FAM156A: variants seen among roughly 807,000 people sequenced by gnomAD.
The protein encoded by FAM156A is family with sequence similarity 156 member A.
chrX:52,994,005 A>G (rs782614910), intron 1 of FAM156A, among the ~76,000 whole-genome samples: 13 of 111,134 alleles, frequency 1.2e-4, no homozygotes, highest in Non-Finnish European at 2.1e-4. Context: ...GACTTGCCCA[A>G]TGTCACACAA....
At position 52,977,941 on chromosome X, in the gene FAM156A, T is replaced by A. The variant is rs782577175; in HGVS notation, c.-433-13706A>T. ...GAATAATCCATATGATAATAATTTT[T>A]GACCTTTAAATTTCACTCTTTAAAT... On this transcript the variant is annotated intron_variant, in intron 1 of 4. Transcript: ENST00000610625. 3.6e-5 allele frequency among the ~76,000 whole-genome samples: 4 copies of A among 112,363 alleles called. No individual in the cohort carries two copies. The South Asian group carries it at 1.5e-3, about 41-fold the overall frequency.
chrX:52,988,003 C>T (rs1930417645), intron 1 of FAM156A, among the ~76,000 whole-genome samples: 1 of 111,817 alleles, frequency 8.9e-6, no homozygotes, highest in African/African-American at 3.3e-5. Flanking sequence ...ATAATCCCAG[C>T]ACTTTGGGAG....
chrX:52,979,667 C>G (rs1307066087), intron 1 of FAM156A, among the ~76,000 whole-genome samples: 1 of 111,604 alleles, frequency 9.0e-6, no homozygotes, highest in African/African-American at 3.3e-5. Context: ...AGAGCCATGA[C>G]TACCACAGAA....
intron 1 of FAM156A, among the ~76,000 whole-genome samples, chrX:52,992,298 C>G (rs1347983566): frequency 4.5e-5 from 5 of 111,846 alleles, no homozygotes; most frequent in African/African-American, 1.6e-4. Context: ...ACCCCAACAT[C>G]TGAGGACAAA....
intron 1 of FAM156A, among the ~76,000 whole-genome samples, chrX:52,976,096 C>CA (rs1245787715): frequency 9.0e-6 from 1 of 111,314 alleles, no homozygotes; most frequent in Admixed American, 9.6e-5. Context: ...TATCAAAACA[C>CA]CTTTTACCCC....
At chrX:52,987,177 G>A (rs1930350327) in intron 1 of FAM156A, among the ~76,000 whole-genome samples, 1 of 111,452 alleles carries the variant, frequency 9.0e-6, no homozygotes, top group African/African-American at 3.3e-5. Flanking sequence ...GCTAATGAAA[G>A]AAATAAAGGA....
chrX:52,986,478 A>G (rs950253273), intron 1 of FAM156A, among the ~76,000 whole-genome samples: 1 of 110,962 alleles, frequency 9.0e-6, no homozygotes, highest in African/African-American at 3.3e-5. Context: ...ATATATAAAA[A>G]GGATAATGCA....
In FAM156A at chrX:52,974,232, G is replaced by A. The variant is rs189110975; in HGVS notation, c.-433-9997C>T. Among the ~76,000 whole-genome samples, 23 of 112,497 alleles carry A rather than the reference G, an allele frequency of 2.0e-4. No homozygotes were observed. The East Asian group carries it at 3.9e-3, about 19-fold the overall frequency. The stretch of plus-strand genomic sequence containing the variant: ...TGTAAGACAACAATAGCAGAAGGCT[G>A]GGGAGAAAGGAAATGGAAGTATACA... On this transcript the variant is annotated intron_variant, in intron 1 of 4. Transcript: ENST00000610625.
At chrX:52,973,683 G>A (rs1929213623) in intron 1 of FAM156A, among the ~76,000 whole-genome samples, 1 of 112,099 alleles carries the variant, frequency 8.9e-6, no homozygotes, top group Non-Finnish European at 1.9e-5. Flanking sequence ...ATTTTTTGGA[G>A]ACGGAGTTTC....
chrX:52,991,391 C>T (rs1370317571), intron 1 of FAM156A, among the ~76,000 whole-genome samples: 2 of 111,417 alleles, frequency 1.8e-5, no homozygotes, highest in African/African-American at 6.5e-5. Context: ...CCTCCGCCTT[C>T]TTGTTGTACC....
chrX:52,995,196 C>T lies in FAM156A; in HGVS notation c.-434+110G>A, dbSNP rs1296276218. 5.4e-5 allele frequency: 6 copies of T among 112,137 alleles called. No homozygotes were observed. The East Asian group carries it at 1.4e-3, about 26-fold the overall frequency. The allele number at this position is 112,137 out of a possible 1,213,427, so 9.2% of individuals were successfully genotyped here. A position where few individuals can be genotyped will look rare whatever the true frequency, so the allele number is the denominator to read the frequency against. ...GCAAACACCAAACAAGCTCAGAGAC[C>T]GCTCCCTGGACATTAATTGAGTGTA... On this transcript the variant is annotated intron_variant, in intron 1 of 4. Coordinates refer to the FAM156A transcript ENST00000610625.
intron 1 of FAM156A, among the ~76,000 whole-genome samples, chrX:52,987,793 C>T (rs1182519877): frequency 2.7e-5 from 3 of 111,947 alleles, no homozygotes; most frequent in East Asian, 5.6e-4. Flanking sequence ...ACACAAAAAT[C>T]CATGCACAAA....
intron 1 of FAM156A, among the ~76,000 whole-genome samples, chrX:52,984,082 T>C (rs782776565): frequency 9.0e-6 from 1 of 111,232 alleles, no homozygotes; most frequent in South Asian, 3.8e-4. Flanking sequence ...ACAGTCAGCA[T>C]ATAGCTGGAC....
intron 1 of FAM156A, among the ~76,000 whole-genome samples, chrX:52,988,254 AAAAG>A (rs1447517422): frequency 4.5e-5 from 5 of 109,964 alleles, no homozygotes; most frequent in Admixed American, 1.9e-4. Context: ...TCAAAAAAAA[AAAAG>A]AAAAGAAAAG....
At chrX:52,979,509 C>A (rs1371181856) in intron 1 of FAM156A, among the ~76,000 whole-genome samples, 1 of 111,179 alleles carries the variant, frequency 9.0e-6, no homozygotes, top group Admixed American at 9.6e-5. Context: ...TTCGTCTCCC[C>A]TCTCCTCCCT....
chrX:52,983,767 G>A (rs1313391659), intron 1 of FAM156A, among the ~76,000 whole-genome samples: 1 of 112,300 alleles, frequency 8.9e-6, no homozygotes, highest in African/African-American at 3.2e-5. Flanking sequence ...AAGACGCCAA[G>A]GAATGCAGTG....
intron 1 of FAM156A, among the ~76,000 whole-genome samples, chrX:52,993,569 C>T (rs1159169536): frequency 9.1e-6 from 1 of 109,693 alleles, no homozygotes; most frequent in Admixed American, 9.8e-5. Flanking sequence ...TGTCTGCCAC[C>T]ACGCCTGGCT....
intron 1 of FAM156A, among the ~76,000 whole-genome samples, chrX:52,988,069 C>T (rs1286734518): frequency 9.1e-6 from 1 of 110,275 alleles, no homozygotes. Context: ...GGTGAAACCC[C>T]GTCTCTACTA....
rs782070111 is a variant in FAM156A at position 52,991,453 on chromosome X, G to A, written c.-434+3853C>T. On this transcript the variant is annotated intron_variant, in intron 1 of 4. Transcript: ENST00000610625. ...CCACCCACGCCAATCTTCCTCCATC[G>A]GTTCACTGATTCAAAGGCCAGAAAC... Among the ~76,000 whole-genome samples, 280 of 111,285 alleles carry A rather than the reference G, an allele frequency of 2.5e-3. 3 individuals carry two copies. The highest frequency in any genetic ancestry group is 0.011 in the South Asian group (28 of 2,628).
Sources: allele counts gnomAD v4.1 joint callset (sites outside exome capture counted in the v4.1 genomes callset), GRCh38; gene constraint gnomAD v4.1.1; transcripts MANE v1.5; gene names NCBI Gene and HGNC (gene_info 2026-07-23, HGNC 2026-07-21).